The following PCNX1 variants were observed in gnomAD, a reference collection of about 807,000 sequenced individuals.
PCNX1 encodes the protein pecanex-like protein 1.
PCNX1 carries 78 observed loss-of-function variants against 242.2 expected under a neutral mutation model. That is an observed-to-expected ratio of 0.32 (90% CI 0.27 to 0.39). PCNX1 has a LOEUF of 0.39. Ranked by LOEUF, PCNX1 falls within the 10% of genes least tolerant of loss-of-function variation. PCNX1 has a pLI of 1.00. For synonymous variants in PCNX1, 1,024 were observed against 1,032.9 expected (o/e 0.99, Z 0.17); for missense variants, 2,581 against 2,856.5 (o/e 0.90, Z 2.20).
intron 2 of PCNX1, among the ~76,000 whole-genome samples, chr14:70,954,621 TG>T (rs1353838615): frequency 6.6e-6 from 1 of 152,212 alleles, no homozygotes; most frequent in Non-Finnish European, 1.5e-5. Flanking sequence ...AGTATAATTT[TG>T]TTTTTCCCCC....
At chr14:71,105,113 A>G in intron 32 of PCNX1, 122 bp from the exon 33 acceptor site, 3 of 722,862 alleles carry the variant, frequency 4.2e-6, no homozygotes. Flanking sequence ...TGATTGCACC[A>G]TAAAGACTTT....
At position 70,978,501 on chromosome 14, in the gene PCNX1, G is replaced by A. The variant is rs764005932; in HGVS notation, c.2164G>A (p.Asp722Asn). The A allele has an allele frequency of 6.8e-6, 11 of 1,614,040 alleles. No homozygotes were observed. The Admixed American group carries it at 1.8e-4, about 27-fold the overall frequency. ...AAAGCCCTTAACCACTTCAAAATCA[G>A]ATCTTGAGGCCAAAGAGGGAGAGGT... The part of the protein sequence containing the change: ...SIKPLTTSKS[D>N]LEAKEGEVLD... The change falls in exon 6 of 36, where the codon GAT (aspartate) becomes AAT (asparagine). Residue 722 changes from aspartate (D) to asparagine (N), a missense_variant. By Grantham distance (23) the Asp-to-Asn change is conservative. Transcript: ENST00000304743.
chr14:71,096,058 G>A (rs949463408), intron 30 of PCNX1, among the ~76,000 whole-genome samples: 14 of 152,254 alleles, frequency 9.2e-5, no homozygotes, highest in African/African-American at 2.6e-4. Context: ...AGTGGCTCAC[G>A]CCTATAATCC....
intron 12 of PCNX1, among the ~76,000 whole-genome samples, chr14:71,022,140 C>A (rs1314352811): frequency 6.6e-6 from 1 of 152,158 alleles, no homozygotes; most frequent in East Asian, 1.9e-4. Flanking sequence ...CTGCTCCTTC[C>A]TCCTTGATCA....
In PCNX1 at chr14:71,013,064, G is replaced by A. The variant is rs151140451; in HGVS notation, c.2858G>A (p.Ser953Asn). ...DLLEQQDIDL[S>N]PDLAATYGPT... ...TTGGAGCAACAGGACATTGATCTAA[G>A]CCCTGACTTGGCAGCTACTTACGGC... The change falls in exon 11 of 36, where the codon AGC becomes AAC. Residue 953 changes from serine (S) to asparagine (N), a missense_variant. This residue lies in a region of PCNX1 where 1,204 missense variants were observed against 1,216.7 expected (regional missense o/e 0.99). Coordinates refer to ENST00000304743, the MANE Select transcript of PCNX1 (RefSeq NM_014982.3). 4 of 1,613,914 alleles carry A rather than the reference G, an allele frequency of 2.5e-6. No homozygotes were observed. Among genetic ancestry groups the A allele is most frequent in the Non-Finnish European group, 3.4e-6 (4 of 1,179,982 alleles).
intron 3 of PCNX1, among the ~76,000 whole-genome samples, chr14:70,963,073 G>T (rs1297806628): frequency 6.6e-6 from 1 of 152,164 alleles, no homozygotes; most frequent in Non-Finnish European, 1.5e-5. Context: ...TTATATCAGG[G>T]TCTGGACTAG....
chr14:70,989,134 G>A (rs1026824933), intron 7 of PCNX1, among the ~76,000 whole-genome samples: 1 of 151,920 alleles, frequency 6.6e-6, no homozygotes, highest in Non-Finnish European at 1.5e-5. Context: ...TGATAAGCCA[G>A]TTTGATTGTT....
intron 2 of PCNX1, among the ~76,000 whole-genome samples, chr14:70,948,375 C>T (rs916212518): frequency 5.9e-5 from 9 of 151,932 alleles, no homozygotes; most frequent in South Asian, 2.1e-4. Context: ...TTTCTCAGAC[C>T]GGCCAACACT....
chr14:71,100,109 G>T (rs2062423342), intron 30 of PCNX1, among the ~76,000 whole-genome samples: 1 of 152,110 alleles, frequency 6.6e-6, no homozygotes, highest in Non-Finnish European at 1.5e-5. Context: ...CTATTAGGAA[G>T]TTGTTGGTCC....
rs1182738146 is a variant in PCNX1, at chr14:70,993,138, T to G, written c.2445-2603T>G. On this transcript the variant is annotated intron_variant, in intron 7 of 35. Coordinates refer to ENST00000304743, the MANE Select transcript of PCNX1 (RefSeq NM_014982.3). ...TATCTAAATTAATTTTTTTTTTTTT[T>G]GAGACAGAGTCTTGCTCTGTTGCCC... Among the ~76,000 whole-genome samples the G allele has an allele frequency of 4.1e-4, 62 of 149,588 alleles. No homozygotes were observed. The Admixed American group carries it at 4.2e-3, about 10-fold the overall frequency.
intron 6 of PCNX1, among the ~76,000 whole-genome samples, chr14:70,983,332 TCTCA>T (rs1355586462): frequency 5.9e-5 from 9 of 151,560 alleles, no homozygotes; most frequent in African/African-American, 1.9e-4. Flanking sequence ...TGGGACGGAG[TCTCA>T]CTCTATTGTC....
chr14:71,106,592 C>G (rs1381795707), intron 33 of PCNX1, among the ~76,000 whole-genome samples: 2 of 150,934 alleles, frequency 1.3e-5, no homozygotes, highest in Non-Finnish European at 2.9e-5. Context: ...CCAGTCCTAT[C>G]AACCTTCCCA....
intron 10 of PCNX1, chr14:71,012,742 G>A: frequency 2.4e-6 from 1 of 408,408 alleles, no homozygotes; most frequent in Non-Finnish European, 4.5e-6. Context: ...CTGAGGCAGA[G>A]AATTGCTTGA....
At chr14:71,022,443 G>A (rs2060129663) in intron 12 of PCNX1, among the ~76,000 whole-genome samples, 1 of 152,136 alleles carries the variant, frequency 6.6e-6, no homozygotes, top group South Asian at 2.1e-4. Context: ...AGGCGCTGTG[G>A]TTAAAAGAGT....
chr14:70,971,485 T>G (rs7147862), intron 5 of PCNX1, among the ~76,000 whole-genome samples: 1 of 151,966 alleles, frequency 6.6e-6, no homozygotes, highest in Non-Finnish European at 1.5e-5. Context: ...CATTTTTCCA[T>G]ATGTTTAACA....
At chr14:70,942,688 A>G (rs1048985508) in intron 1 of PCNX1, among the ~76,000 whole-genome samples, 1 of 152,200 alleles carries the variant, frequency 6.6e-6, no homozygotes, top group African/African-American at 2.4e-5. Flanking sequence ...TGGGCATGCC[A>G]CCCTCCAGAA....
chr14:71,077,694 C>T (rs1270825298), intron 28 of PCNX1, among the ~76,000 whole-genome samples: 1 of 152,160 alleles, frequency 6.6e-6, no homozygotes, highest in Non-Finnish European at 1.5e-5. Context: ...GACCAGCAGA[C>T]AGTGGCTAGA....
intron 5 of PCNX1, among the ~76,000 whole-genome samples, chr14:70,975,879 G>A (rs1453304761): frequency 6.6e-6 from 1 of 151,860 alleles, no homozygotes; most frequent in East Asian, 1.9e-4. Context: ...ACAGATACAA[G>A]AAGGTAAGTA....
At chr14:71,074,862 T>C (rs1038399598) in intron 27 of PCNX1, among the ~76,000 whole-genome samples, 2 of 152,046 alleles carry the variant, frequency 1.3e-5, no homozygotes, top group African/African-American at 4.8e-5. Flanking sequence ...TGCTAAAGAG[T>C]TTACAGAAAT....
Sources: gnomAD v4.1 joint callset for allele counts (sites outside exome capture counted in the v4.1 genomes callset) on GRCh38, gnomAD v4.1.1 for gene constraint, gnomAD v4.1.1 regional missense constraint, MANE v1.5 for transcripts, NCBI Gene and HGNC (gene_info 2026-07-23, HGNC 2026-07-21) for gene names.